Variants in RABGGTA observed in about 807,000 individuals in gnomAD.
RABGGTA encodes geranylgeranyl transferase type-2 subunit alpha.
RABGGTA carries 69 observed loss-of-function variants against 83.3 expected under a neutral mutation model. The observed-to-expected ratio is 0.83, with a 90% CI of 0.68 to 1.01. The LOEUF is 1.01. Ranked by LOEUF, RABGGTA falls within the 50% of genes least tolerant of loss-of-function variation. RABGGTA has a pLI of 0.00. For synonymous variants in RABGGTA, 310 were observed against 299.8 expected (o/e 1.03, Z -0.35); for missense variants, 681 against 712.7 (o/e 0.96, Z 0.51).
Position 24,268,688 on chromosome 14 carries a change from C to T in RABGGTA, c.900+37G>A, listed in dbSNP as rs373123048. On this transcript the variant is annotated intron_variant, in intron 9 of 16. Transcript: ENST00000216840. ...TTTGACTGTCCCACCCAGCCCTGCC[C>T]CAGACCCCAACTTCTGCCCCACCAA... 14 of 1,609,550 alleles carry T rather than the reference C, an allele frequency of 8.7e-6. No homozygotes were observed. In the African/African-American group the frequency reaches 1.7e-4, roughly 20 times the overall value.
At position 24,267,860 on chromosome 14, in the gene RABGGTA, C is replaced by A. The variant is rs750482140; in HGVS notation, c.1236+10G>T. 3.7e-6 allele frequency: 6 copies of A among 1,613,354 alleles called. No homozygotes were observed. Among genetic ancestry groups the A allele is most frequent in the Non-Finnish European group, 3.4e-6 (4 of 1,179,600 alleles). ...GCCTCCCCCTGGTCTGTTCTGCAGA[C>A]AGAACTTGCCTTGAGGGTCTGGAAG... On this transcript the variant is annotated intron_variant, in intron 13 of 16. Coordinates refer to ENST00000216840, the MANE Select transcript of RABGGTA (RefSeq NM_182836.3).
intron 10 of RABGGTA, 42 bp from the exon 11 acceptor site, chr14:24,268,462 GAA>G: frequency 6.3e-7 from 1 of 1,594,992 alleles, no homozygotes; most frequent in Non-Finnish European, 8.5e-7. Context: ...CCCTTGAGAG[GAA>G]AAGAGTGATG....
Position 24,268,152 on chromosome 14 carries a change from C to G in RABGGTA, c.1105G>C (p.Glu369Gln). Residue 369 changes from glutamate to glutamine, a missense_variant, in exon 12 of 17, where the codon GAA (glutamate) becomes CAA (glutamine). Physicochemically the swap from Glu to Gln is conservative, Grantham distance 29. Coordinates refer to ENST00000216840, the MANE Select transcript of RABGGTA (RefSeq NM_182836.3). ...AGCTCCTGCAGCTCCTTACAGGATT[C>G]CAGCTCAGACTGCAGCACTGTGGAC... ...EKSTVLQSEL[E>Q]SCKELQELEP... The G allele has an allele frequency of 6.2e-7, 1 of 1,613,960 alleles. No individual in the cohort carries two copies. Among genetic ancestry groups the G allele is most frequent in the African/African-American group, 1.3e-5 (1 of 75,054 alleles).
At chr14:24,269,281 C>A in intron 6 of RABGGTA, 118 bp from the exon 7 acceptor site, 1 of 1,105,016 alleles carries the variant, frequency 9.0e-7, no homozygotes, top group South Asian at 1.5e-5. Flanking sequence ...TATATGCTGT[C>A]CTTGCACAGG....
intron 7 of RABGGTA, 34 bp downstream of exon 7, chr14:24,269,046 C>T (rs538105820): frequency 3.1e-5 from 49 of 1,587,326 alleles, no homozygotes; most frequent in Admixed American, 1.3e-4. Context: ...TCCTATTAAG[C>T]GCTAAACACC....
chr14:24,270,097 A>G lies in RABGGTA; in HGVS notation c.283T>C (p.Phe95Leu). The change falls in exon 5 of 17, where the codon TTC (phenylalanine) becomes CTC (leucine). Residue 95 changes from phenylalanine (F) to leucine (L), a missense_variant. Phe to Leu is a conservative substitution (Grantham distance 22). Transcript: ENST00000216840. The part of the protein sequence containing the change: ...LAALVKAELG[F>L]LESCLRVNPK... ...TTCACCCGCAGGCAGCTCTCCAGGA[A>G]GCCCAGTTCTGCCTTCACCAGAGCA... The G allele has an allele frequency of 6.2e-7, 1 of 1,610,704 alleles. No individual in the cohort carries two copies. Among genetic ancestry groups the G allele is most frequent in the Non-Finnish European group, 8.5e-7 (1 of 1,178,468 alleles).
In RABGGTA at chr14:24,269,622, G is replaced by A; in HGVS notation, c.500C>T (p.Thr167Ile). ...GAAGTTTCGGGTGATGAGGCTGTCAGTGAAGGCTAGCTCTTCTGCAGGGGG... is the reference window on the plus strand; with the variant it reads ...GAAGTTTCGGGTGATGAGGCTGTCAATGAAGGCTAGCTCTTCTGCAGGGGG... Reference protein sequence around the residue: ...AVPPAEELAFTDSLITRNFSN... With the variant: ...AVPPAEELAFIDSLITRNFSN... The change falls in exon 6 of 17, where the codon ACT (threonine) becomes ATT (isoleucine). Residue 167 changes from threonine (T) to isoleucine (I), a missense_variant. Thr to Ile is a moderately conservative substitution (Grantham distance 89). This residue lies in a region of RABGGTA where 122 missense variants were observed against 118.9 expected (regional missense o/e 1.03). Transcript: ENST00000216840. 6.2e-7 allele frequency: 1 copy of A among 1,614,008 alleles called. No homozygotes were observed. Among genetic ancestry groups the A allele is most frequent in the Non-Finnish European group, 8.5e-7 (1 of 1,179,848 alleles).
At chr14:24,271,244 C>T in intron 1 of RABGGTA, 75 bp from the exon 2 acceptor site, 1 of 1,258,384 alleles carries the variant, frequency 7.9e-7, no homozygotes, top group South Asian at 1.7e-5. Context: ...AAGCAGCAAG[C>T]GTGCCTGGGC....
chr14:24,268,402 C>T lies in RABGGTA; in HGVS notation c.1025G>A (p.Cys342Tyr). ...VLLKGRQEGW[C>Y]RDSTTDEQLF... ...CTGCTCGTCTGTCGTGGAGTCCCGGCACCAGCCCTCCTGGCGGCCTGGGGA... is the reference window on the plus strand; with the variant it reads ...CTGCTCGTCTGTCGTGGAGTCCCGGTACCAGCCCTCCTGGCGGCCTGGGGA... Residue 342 changes from cysteine (C) to tyrosine (Y), a missense_variant, in exon 11 of 17, where the codon TGC becomes TAC. Around this residue, in one of 5 missense-constraint regions of RABGGTA, gnomAD observed 421 missense variants for 418.5 expected, o/e 1.01. Transcript: ENST00000216840. 1 of 1,613,526 alleles carries T rather than the reference C, an allele frequency of 6.2e-7. No individual in the cohort carries two copies. The highest frequency in any genetic ancestry group is 8.5e-7 in the Non-Finnish European group (1 of 1,179,898).
At chr14:24,267,110 TGAG>T (rs528645689) in intron 14 of RABGGTA, among the ~76,000 whole-genome samples, 1 of 151,238 alleles carries the variant, frequency 6.6e-6, no homozygotes, top group South Asian at 2.1e-4. Flanking sequence ...GTGGGGTGGG[TGAG>T]GAGGAGGAGG....
At chr14:24,269,206 G>C in intron 6 of RABGGTA, 43 bp from the exon 7 acceptor site, 1 of 1,546,094 alleles carries the variant, frequency 6.5e-7, no homozygotes, top group South Asian at 1.2e-5. Flanking sequence ...CAGGACACTG[G>C]TGAGCTCCTG....
At chr14:24,267,326 G>C (rs1177615772) in intron 14 of RABGGTA, among the ~76,000 whole-genome samples, 1 of 152,168 alleles carries the variant, frequency 6.6e-6, no homozygotes, top group African/African-American at 2.4e-5. Flanking sequence ...AAAGTATTTG[G>C]CCTTCAGGTA....
In RABGGTA at chr14:24,266,902, G is replaced by A. The variant is rs1374919137; in HGVS notation, c.1354-13C>T. 2.5e-6 allele frequency: 4 copies of A among 1,601,408 alleles called. 1 individual carries two copies. In the South Asian group the frequency reaches 3.3e-5, roughly 13 times the overall value. Reference sequence around the variant, plus strand: ...GCACTGTCAGATCCTGGGGGGTGAAGGGAGGAAGGAGGTGATGGGCTTCCC... The same window carrying A: ...GCACTGTCAGATCCTGGGGGGTGAAAGGAGGAAGGAGGTGATGGGCTTCCC... On this transcript the variant is annotated splice_polypyrimidine_tract_variant and intron_variant, in intron 14 of 16. Coordinates refer to ENST00000216840, the MANE Select transcript of RABGGTA (RefSeq NM_182836.3).
intron 6 of RABGGTA, 97 bp downstream of exon 6, chr14:24,269,394 C>A: frequency 7.1e-7 from 1 of 1,401,392 alleles, no homozygotes. Flanking sequence ...AGTAGGTGCT[C>A]AATAAACCTG....
Position 24,270,050 on chromosome 14 carries a change from C to T in RABGGTA, c.330G>A (p.Trp110Ter). The change falls in exon 5 of 17, where the codon TGG becomes TGA. Residue 110 changes from tryptophan (W) to a stop codon, truncating the protein, a stop_gained. Transcript: ENST00000216840. LOFTEE classifies it high-confidence loss of function. The part of the protein sequence containing the change: ...LRVNPKSYGT[W>*]HHRCWLLGRL... ...GGCCTAGCAGCCAGCATCGGTGGTG[C>T]CAGGTACCATAAGACTTGGGGTTCA... The T allele has an allele frequency of 1.2e-6, 2 of 1,612,854 alleles. No individual in the cohort carries two copies. The highest frequency in any genetic ancestry group is 1.3e-5 in the African/African-American group (1 of 75,008).
chr14:24,266,331 C>A, intron 16 of RABGGTA, 99 bp downstream of exon 16: 1 of 1,138,506 alleles, frequency 8.8e-7, no homozygotes, highest in Non-Finnish European at 1.3e-6. Context: ...CTCTCCTGCC[C>A]TGCAAGAGGG....
chr14:24,266,706 G>C lies in RABGGTA; in HGVS notation c.1467+70C>G, dbSNP rs1162970398. 2.8e-6 allele frequency: 4 copies of C among 1,415,974 alleles called. No individual in the cohort carries two copies. In the African/African-American group the frequency reaches 5.7e-5, roughly 20 times the overall value. The allele number at this position is 1,415,974 out of a possible 1,614,324, so 87.7% of individuals were successfully genotyped here. A position where few individuals can be genotyped will look rare whatever the true frequency, so the allele number is the denominator to read the frequency against. ...GTCCTGCACATCTCCTTGTAGGATG[G>C]GCAGACTTCTGAGGGAGAGGAAGAG... On this transcript the variant is annotated intron_variant, in intron 15 of 16. Transcript: ENST00000216840.
At chr14:24,270,265 C>CA in intron 4 of RABGGTA, 69 bp downstream of exon 4, 1 of 1,588,976 alleles carries the variant, frequency 6.3e-7, no homozygotes, top group African/African-American at 1.3e-5. Context: ...ATTTCTCCTC[C>CA]ACCCCTAGAC....
chr14:24,268,415 G>T lies in RABGGTA; in HGVS notation c.1012C>A (p.Gln338Lys), dbSNP rs769606380. 22 of 1,613,546 alleles carry T rather than the reference G, an allele frequency of 1.4e-5. No homozygotes were observed. The highest frequency in any genetic ancestry group is 1.7e-6 in the Non-Finnish European group (2 of 1,179,904). Residue 338 changes from glutamine (Q) to lysine (K), a missense_variant, in exon 11 of 17, where the codon CAG becomes AAG. This residue lies in a region of RABGGTA where 421 missense variants were observed against 418.5 expected (regional missense o/e 1.01). Transcript: ENST00000216840. ...QKECVLLKGR[Q>K]EGWCRDSTTD... ...GTGGAGTCCCGGCACCAGCCCTCCTGGCGGCCTGGGGAAAGAGTAGGTGGT... is the reference window on the plus strand; with the variant it reads ...GTGGAGTCCCGGCACCAGCCCTCCTTGCGGCCTGGGGAAAGAGTAGGTGGT...
Sources: gnomAD v4.1 joint callset for allele counts (sites outside exome capture counted in the v4.1 genomes callset) on GRCh38, gnomAD v4.1.1 for gene constraint, gnomAD v4.1.1 regional missense constraint, MANE v1.5 for transcripts, NCBI Gene and HGNC (gene_info 2026-07-23, HGNC 2026-07-21) for gene names.